Variants in PDE7B observed in about 807,000 individuals in gnomAD.
PDE7B encodes 3',5'-cyclic-AMP phosphodiesterase 7B.
A neutral mutation model predicts 56.2 loss-of-function variants in PDE7B; 29 were observed. That is an observed-to-expected ratio of 0.52 (90% CI 0.38 to 0.70). PDE7B has a LOEUF of 0.70. PDE7B is among the 30% of genes least tolerant of loss of function. The probability of loss-of-function intolerance (pLI) is 0.00; values close to 1 mark genes in which losing one functional copy is unlikely to be tolerated. For missense variants in PDE7B, 490 were observed against 565.0 expected (o/e 0.87, Z 1.35); for synonymous variants, 197 against 196.9 (o/e 1.00, Z 0.00).
intron 2 of PDE7B, among the ~76,000 whole-genome samples, chr6:136,078,843 T>G (rs1777162286): frequency 6.6e-6 from 1 of 152,166 alleles, no homozygotes; most frequent in African/African-American, 2.4e-5. Flanking sequence ...CTATATGCAC[T>G]TATTACAAGT....
chr6:135,976,332 C>G (rs1217690317), intron 2 of PDE7B, among the ~76,000 whole-genome samples: 1 of 152,148 alleles, frequency 6.6e-6, no homozygotes, highest in African/African-American at 2.4e-5. Flanking sequence ...CAAAGGTCCT[C>G]TGGTCATCAC....
intron 1 of PDE7B, among the ~76,000 whole-genome samples, chr6:135,907,764 C>G: frequency 6.6e-6 from 1 of 152,008 alleles, no homozygotes. Context: ...AATTATAAAA[C>G]TTATTGAATA....
chr6:136,112,581 C>A (rs929519751), intron 3 of PDE7B: 9 of 151,962 alleles, frequency 5.9e-5, no homozygotes, highest in African/African-American at 2.2e-4. Context: ...AAGCCACAAG[C>A]ACATTCAGTC....
chr6:135,995,016 A>G (rs1215751548), intron 2 of PDE7B, among the ~76,000 whole-genome samples: 1 of 152,176 alleles, frequency 6.6e-6, no homozygotes, highest in Non-Finnish European at 1.5e-5. Context: ...CCATAATCAA[A>G]GATTATTCAG....
chr6:135,938,325 AC>A (rs1774455132), intron 1 of PDE7B, among the ~76,000 whole-genome samples: 1 of 152,188 alleles, frequency 6.6e-6, no homozygotes, highest in African/African-American at 2.4e-5. Context: ...CTAGGTGTAA[AC>A]CCTTGGGATT....
chr6:135,980,511 A>G (rs1775275856), intron 2 of PDE7B, among the ~76,000 whole-genome samples: 2 of 151,594 alleles, frequency 1.3e-5, no homozygotes, highest in Admixed American at 1.3e-4. Context: ...GGCAACCTAC[A>G]AAATGGGAGA....
intron 2 of PDE7B, among the ~76,000 whole-genome samples, chr6:136,029,946 C>T (rs2128208907): frequency 6.6e-6 from 1 of 152,282 alleles, no homozygotes; most frequent in African/African-American, 2.4e-5. Context: ...AATGGCCACT[C>T]CTTTAATTTT....
chr6:136,000,161 C>A (rs1775639076), intron 2 of PDE7B, among the ~76,000 whole-genome samples: 1 of 152,182 alleles, frequency 6.6e-6, no homozygotes. Context: ...ACCTTTGTCA[C>A]ATGCATAGTT....
chr6:136,134,324 A>C (rs1281499408), intron 3 of PDE7B, among the ~76,000 whole-genome samples: 3 of 152,184 alleles, frequency 2.0e-5, no homozygotes, highest in Admixed American at 1.3e-4. Context: ...CTTTAAATGT[A>C]TGCTGAGAAC....
chr6:135,935,186 T>TTTTATATATATA (rs1404954510), intron 1 of PDE7B, among the ~76,000 whole-genome samples: 5,527 of 37,822 alleles, frequency 0.15, 1,132 homozygotes, highest in Admixed American at 0.28. Context: ...ATATATATAT[T>TTTTATATATATA]TATTTATATA....
At chr6:135,907,462 A>G (rs945178971) in intron 1 of PDE7B, among the ~76,000 whole-genome samples, 17 of 151,994 alleles carry the variant, frequency 1.1e-4, no homozygotes, top group African/African-American at 3.9e-4. Context: ...CGGTGCTTTT[A>G]GTCAATTATT....
intron 8 of PDE7B, among the ~76,000 whole-genome samples, chr6:136,171,776 A>G (rs1199184497): frequency 7.3e-6 from 1 of 136,642 alleles, no homozygotes; most frequent in Non-Finnish European, 1.6e-5. Flanking sequence ...TCCTAAAGCT[A>G]TCCCTCCCCC....
At chr6:135,919,484 T>A (rs1218572985) in intron 1 of PDE7B, among the ~76,000 whole-genome samples, 1 of 152,230 alleles carries the variant, frequency 6.6e-6, no homozygotes, top group Non-Finnish European at 1.5e-5. Context: ...AATCGCTCTA[T>A]TAGTCCCTAC....
intron 2 of PDE7B, among the ~76,000 whole-genome samples, chr6:136,103,730 G>T (rs1248947853): frequency 1.3e-5 from 2 of 151,964 alleles, no homozygotes; most frequent in East Asian, 3.9e-4. Context: ...CCCATATTCC[G>T]TGCAACCTGT....
intron 2 of PDE7B, among the ~76,000 whole-genome samples, chr6:135,985,103 C>G (rs1201918469): frequency 6.6e-6 from 1 of 152,180 alleles, no homozygotes; most frequent in African/African-American, 2.4e-5. Flanking sequence ...CCAGTCTGAG[C>G]ACCAGACTTT....
intron 2 of PDE7B, chr6:136,094,175 A>G (rs981011386): frequency 1.3e-5 from 2 of 152,266 alleles, no homozygotes; most frequent in African/African-American, 4.8e-5. Flanking sequence ...AACCTTTTTT[A>G]TAGTTCCATT....
At chr6:135,871,772 TACACACACACAC>T (rs10576996) in intron 1 of PDE7B, among the ~76,000 whole-genome samples, 2 of 150,626 alleles carry the variant, frequency 1.3e-5, no homozygotes, top group Admixed American at 6.6e-5. Context: ...GATAGGTGTA[TACACACACACAC>T]ACACACACAC....
At chr6:136,116,886 A>T in intron 3 of PDE7B, among the ~76,000 whole-genome samples, 1 of 152,214 alleles carries the variant, frequency 6.6e-6, no homozygotes, top group East Asian at 1.9e-4. Flanking sequence ...TTTGAAAAGC[A>T]TTACAAGACT....
At chr6:136,013,265 C>A (rs1775923249) in intron 2 of PDE7B, among the ~76,000 whole-genome samples, 1 of 152,012 alleles carries the variant, frequency 6.6e-6, no homozygotes, top group South Asian at 2.1e-4. Context: ...ATCAAAATTT[C>A]CTCATAATAA....
Sources: allele counts gnomAD v4.1 joint callset (sites outside exome capture counted in the v4.1 genomes callset), GRCh38; gene constraint gnomAD v4.1.1; transcripts MANE v1.5; gene names NCBI Gene and HGNC (gene_info 2026-07-23, HGNC 2026-07-21).